Variants in FRMD5 observed in about 807,000 individuals in gnomAD.
The protein encoded by FRMD5 is FERM domain containing 5, also known as FERM domain-containing protein 5.
FRMD5 carries 20 observed loss-of-function variants against 69.0 expected under a neutral mutation model. The ratio of observed to expected loss-of-function variants is 0.29; its 90% CI spans 0.20 to 0.42. FRMD5 has a LOEUF of 0.42. Ranked by LOEUF, FRMD5 falls within the 10% of genes least tolerant of loss-of-function variation. The pLI, the probability that FRMD5 is intolerant of heterozygous loss-of-function variation, is 1.00. For missense variants in FRMD5, 595 were observed against 708.6 expected (o/e 0.84, Z 1.82); for synonymous variants, 271 against 260.1 (o/e 1.04, Z -0.40).
intron 1 of FRMD5, among the ~76,000 whole-genome samples, chr15:43,986,249 G>A (rs1277186458): frequency 3.9e-5 from 6 of 152,216 alleles, no homozygotes; most frequent in Non-Finnish European, 7.3e-5. Flanking sequence ...GTGCGGTGGG[G>A]TTGCCTCCTT....
chr15:44,194,480 G>A (rs1256584988), intron 1 of FRMD5: 1 of 216,738 alleles, frequency 4.6e-6, no homozygotes, highest in African/African-American at 2.4e-5. Context: ...AAATGGTGGG[G>A]GGAGGAATTA....
At chr15:44,161,902 G>A (rs962475151) in intron 1 of FRMD5, among the ~76,000 whole-genome samples, 1 of 152,128 alleles carries the variant, frequency 6.6e-6, no homozygotes, top group Non-Finnish European at 1.5e-5. Context: ...CTTATGTTCT[G>A]TCATCCCTTC....
At chr15:43,993,496 A>G (rs1429820868) in intron 1 of FRMD5, among the ~76,000 whole-genome samples, 5 of 152,162 alleles carry the variant, frequency 3.3e-5, no homozygotes. Context: ...TCTGGCCCTA[A>G]TATATTATTT....
intron 1 of FRMD5, among the ~76,000 whole-genome samples, chr15:44,010,489 C>T (rs1015277839): frequency 1.3e-5 from 2 of 151,860 alleles, no homozygotes; most frequent in Admixed American, 6.6e-5. Flanking sequence ...CCTCCATCTC[C>T]TGAGTTCAAG....
chr15:44,000,563 G>T (rs549706552), intron 1 of FRMD5, among the ~76,000 whole-genome samples: 2 of 151,320 alleles, frequency 1.3e-5, no homozygotes, highest in Non-Finnish European at 2.9e-5. Flanking sequence ...GGGTTCAAGC[G>T]ATTCTCATGC....
rs200733493 is a variant in FRMD5, at chr15:43,872,814, C to A, written c.*1071G>T. On this transcript the variant is annotated 3_prime_UTR_variant, in exon 14 of 14. Coordinates refer to ENST00000417257, the MANE Select transcript of FRMD5 (RefSeq NM_032892.5). ...CTTGCATCGTTTAGTTCATCAGGCT[C>A]TATTTTCTTAATCCATAAAGTAAAA... 1 of 198,026 alleles carries A rather than the reference C, an allele frequency of 5.0e-6. No homozygotes were observed. Among genetic ancestry groups the A allele is most frequent in the African/African-American group, 2.3e-5 (1 of 42,912 alleles). 12.3% of individuals were successfully genotyped at this position (198,026 alleles called of 1,614,324 possible).
intron 1 of FRMD5, among the ~76,000 whole-genome samples, chr15:44,052,784 G>C (rs1427997059): frequency 6.6e-6 from 1 of 152,100 alleles, no homozygotes; most frequent in Non-Finnish European, 1.5e-5. Flanking sequence ...TAGAATGTTA[G>C]AGCCAGAAAG....
intron 10 of FRMD5, among the ~76,000 whole-genome samples, chr15:43,886,087 C>G (rs1293993697): frequency 6.6e-6 from 1 of 152,214 alleles, no homozygotes; most frequent in Non-Finnish European, 1.5e-5. Context: ...GAATGCCCAT[C>G]TAATCTCAGC....
intron 1 of FRMD5, among the ~76,000 whole-genome samples, chr15:44,008,223 A>T (rs1890551251): frequency 6.8e-6 from 1 of 146,704 alleles, no homozygotes; most frequent in Non-Finnish European, 1.5e-5. Context: ...ATGAGCCTGT[A>T]AGGCTTTATT....
At chr15:43,885,554 T>G (rs2088642264) in intron 11 of FRMD5, 127 bp downstream of exon 11, 2 of 746,994 alleles carry the variant, frequency 2.7e-6, no homozygotes. Flanking sequence ...ATGGGAGAAT[T>G]AGATGGAGAC....
intron 1 of FRMD5, chr15:43,989,308 G>C: frequency 1.3e-6 from 1 of 784,954 alleles, no homozygotes; most frequent in Non-Finnish European, 2.4e-6. Flanking sequence ...GTTGGCATAC[G>C]GGTCTTTGAG....
intron 1 of FRMD5, among the ~76,000 whole-genome samples, chr15:44,108,732 A>AAGCTCT (rs2076755250): frequency 1.3e-5 from 2 of 152,106 alleles, no homozygotes; most frequent in African/African-American, 2.4e-5. Flanking sequence ...GTGGTGGCCA[A>AAGCTCT]GACAGGAGGA....
At chr15:43,977,909 C>A (rs1028548251) in intron 1 of FRMD5, among the ~76,000 whole-genome samples, 1 of 152,246 alleles carries the variant, frequency 6.6e-6, no homozygotes. Context: ...ACAGTAACAA[C>A]CCTGACTACA....
intron 1 of FRMD5, among the ~76,000 whole-genome samples, chr15:44,150,907 C>A (rs1035674522): frequency 2.6e-5 from 4 of 152,106 alleles, no homozygotes; most frequent in African/African-American, 9.7e-5. Context: ...GCCTGGCCAA[C>A]ATGGCAAAAC....
chr15:44,012,248 C>A (rs1340358897), intron 1 of FRMD5, among the ~76,000 whole-genome samples: 2 of 152,192 alleles, frequency 1.3e-5, no homozygotes, highest in African/African-American at 4.8e-5. Flanking sequence ...ATAGAGAGGG[C>A]TGACTGTAAG....
chr15:44,165,523 T>C (rs1595544838), intron 1 of FRMD5, among the ~76,000 whole-genome samples: 1 of 152,130 alleles, frequency 6.6e-6, no homozygotes, highest in African/African-American at 2.4e-5. Context: ...AGGTAGCAGA[T>C]ATTAAATTAA....
At chr15:43,910,596 A>AAT (rs1270236575) in intron 4 of FRMD5, among the ~76,000 whole-genome samples, 1 of 151,428 alleles carries the variant, frequency 6.6e-6, no homozygotes, top group African/African-American at 2.4e-5. Context: ...AAAAAAAAAA[A>AAT]AAAATTGCAA....
intron 13 of FRMD5, among the ~76,000 whole-genome samples, chr15:43,880,197 G>A (rs1450436467): frequency 6.6e-6 from 1 of 152,236 alleles, no homozygotes; most frequent in South Asian, 2.1e-4. Context: ...TTGGGGCTGG[G>A]TGGCTCTGAA....
intron 1 of FRMD5, among the ~76,000 whole-genome samples, chr15:44,072,794 C>A (rs1036433029): frequency 6.6e-6 from 1 of 152,042 alleles, no homozygotes; most frequent in Non-Finnish European, 1.5e-5. Flanking sequence ...TAAAAAAAAA[C>A]AAACTGTGTT....
Sources: gnomAD v4.1 joint callset for allele counts (sites outside exome capture counted in the v4.1 genomes callset) on GRCh38, gnomAD v4.1.1 for gene constraint, MANE v1.5 for transcripts, NCBI Gene and HGNC (gene_info 2026-07-23, HGNC 2026-07-21) for gene names.